The following OOSP4B variants were observed in gnomAD, a reference collection of about 807,000 sequenced individuals.
The protein encoded by OOSP4B is oocyte secreted protein family member 4B.
At chr11:60,019,048 C>G (rs1232662627) in intron 1 of OOSP4B, among the ~76,000 whole-genome samples, 1 of 151,966 alleles carries the variant, frequency 6.6e-6, no homozygotes, top group Non-Finnish European at 1.5e-5. Context: ...GAAACCCCGT[C>G]TCTACTAAAC....
chr11:60,017,801 A>C (rs1854642018), intron 1 of OOSP4B, among the ~76,000 whole-genome samples: 1 of 152,176 alleles, frequency 6.6e-6, no homozygotes, highest in Admixed American at 6.5e-5. Context: ...ACTACCTTAG[A>C]GATCTCTGGG....
intron 3 of OOSP4B, 88 bp from the exon 4 acceptor site, chr11:60,029,694 T>C (rs539385835): frequency 5.0e-6 from 2 of 396,792 alleles, no homozygotes; most frequent in South Asian, 2.7e-4. Context: ...TTATCACTTA[T>C]AACGAACCTA....
chr11:60,022,342 C>A (rs1590592449), intron 1 of OOSP4B: 1 of 152,074 alleles, frequency 6.6e-6, no homozygotes, highest in Non-Finnish European at 1.5e-5. Flanking sequence ...TTTTTTTCAT[C>A]CTCACCCTAA....
intron 4 of OOSP4B, among the ~76,000 whole-genome samples, 152 bp downstream of exon 4, chr11:60,030,081 T>C (rs1404281367): frequency 6.6e-6 from 1 of 152,222 alleles, no homozygotes; most frequent in Non-Finnish European, 1.5e-5. Flanking sequence ...TACCGTAGTC[T>C]GTACTTGGAT....
chr11:60,021,044 TA>T (rs1282106509), intron 1 of OOSP4B, among the ~76,000 whole-genome samples: 1 of 152,236 alleles, frequency 6.6e-6, no homozygotes, highest in African/African-American at 2.4e-5. Flanking sequence ...ATTAGTTATA[TA>T]AAAATTGAAT....
At chr11:60,022,755 T>TC (rs745568143) in intron 1 of OOSP4B, among the ~76,000 whole-genome samples, 15 of 152,064 alleles carry the variant, frequency 9.9e-5, no homozygotes, top group African/African-American at 2.2e-4. Context: ...TTTTTTTTTT[T>TC]CCCCTAGGGG....
chr11:60,025,305 C>A (rs1435629378), intron 3 of OOSP4B, among the ~76,000 whole-genome samples: 1 of 152,148 alleles, frequency 6.6e-6, no homozygotes, highest in African/African-American at 2.4e-5. Context: ...GCATGCGTAT[C>A]ATGAATCAAG....
intron 3 of OOSP4B, among the ~76,000 whole-genome samples, chr11:60,027,952 G>A (rs1471302145): frequency 3.3e-5 from 5 of 151,152 alleles, no homozygotes; most frequent in South Asian, 2.1e-4. Context: ...AAAAAAAGCC[G>A]TTAGTCTCCT....
At chr11:60,027,958 C>T (rs574480759) in intron 3 of OOSP4B, among the ~76,000 whole-genome samples, 2 of 151,242 alleles carry the variant, frequency 1.3e-5, no homozygotes, top group African/African-American at 2.4e-5. Flanking sequence ...AGCCGTTAGT[C>T]TCCTCCTTTT....
chr11:60,027,647 T>A (rs944394091), intron 3 of OOSP4B, among the ~76,000 whole-genome samples: 31 of 66,082 alleles, frequency 4.7e-4, no homozygotes, highest in South Asian at 7.2e-4. Context: ...AGGTAAAGGC[T>A]ATGATATTAA....
intron 1 of OOSP4B, among the ~76,000 whole-genome samples, chr11:60,019,236 A>C (rs551638478): frequency 6.6e-6 from 1 of 151,908 alleles, no homozygotes; most frequent in Non-Finnish European, 1.5e-5. Context: ...AAAAAAATAA[A>C]AAAAAATAAC....
chr11:60,020,170 A>G (rs1161342709), intron 1 of OOSP4B, among the ~76,000 whole-genome samples: 2 of 152,222 alleles, frequency 1.3e-5, no homozygotes, highest in African/African-American at 4.8e-5. Context: ...AGTCCCTACC[A>G]GACTCAGGAG....
intron 3 of OOSP4B, among the ~76,000 whole-genome samples, chr11:60,025,471 C>T (rs1311353545): frequency 6.6e-6 from 1 of 152,174 alleles, no homozygotes; most frequent in East Asian, 1.9e-4. Flanking sequence ...CCAGTTGGTT[C>T]CTGCAGCCAC....
In OOSP4B at chr11:60,019,937, CAA is replaced by C. The variant is rs532611556; in HGVS notation, c.22+2527_22+2528del. ...GCGTTTACAATCCCTGAGCTAGACA[CAA>C]AAGTTCTCCACATGCCCACTAGATT... On this transcript the variant is annotated intron_variant, in intron 1 of 4. Coordinates refer to ENST00000642343, the Ensembl canonical transcript of OOSP4B. 3.9e-5 allele frequency among the ~76,000 whole-genome samples: 6 copies of C among 152,116 alleles called. No individual in the cohort carries two copies. The South Asian group carries it at 1.2e-3, about 32-fold the overall frequency.
chr11:60,028,838 G>A (rs1196371673), intron 3 of OOSP4B, among the ~76,000 whole-genome samples: 2 of 152,068 alleles, frequency 1.3e-5, no homozygotes, highest in African/African-American at 2.4e-5. Context: ...TCCAAATGCC[G>A]GTCTTCCTCA....
Position 60,017,563 on chromosome 11 carries a change from C to T in OOSP4B, c.22+150C>T, listed in dbSNP as rs952767206. 25 of 394,998 alleles carry T rather than the reference C, an allele frequency of 6.3e-5. No individual in the cohort carries two copies. In the Middle Eastern group the frequency reaches 1.9e-3, roughly 30 times the overall value. The allele number at this position is 394,998 out of a possible 1,614,324, so 24.5% of individuals were successfully genotyped here. On this transcript the variant is annotated intron_variant, in intron 1 of 4. Transcript: ENST00000642343. Reference sequence around the variant, plus strand: ...TAAAAAGCTGAGATTTTTTTTTTTCCCCCTGATTATAAACCAACAGGTAGG... The same window carrying T: ...TAAAAAGCTGAGATTTTTTTTTTTCTCCCTGATTATAAACCAACAGGTAGG...
At chr11:60,024,121 A>C (rs1854721919) in intron 2 of OOSP4B, 60 bp downstream of exon 2, 1 of 398,198 alleles carries the variant, frequency 2.5e-6, no homozygotes, top group Non-Finnish European at 4.4e-6. Context: ...AGGGCTACAT[A>C]GTATCAAAAG....
chr11:60,023,644 G>T (rs1437780600), intron 1 of OOSP4B, among the ~76,000 whole-genome samples: 1 of 152,142 alleles, frequency 6.6e-6, no homozygotes, highest in Non-Finnish European at 1.5e-5. Context: ...ATGTTGGCCA[G>T]GCTGGTCTTG....
intron 3 of OOSP4B, among the ~76,000 whole-genome samples, chr11:60,029,058 A>G (rs932539167): frequency 6.6e-6 from 1 of 152,146 alleles, no homozygotes; most frequent in Non-Finnish European, 1.5e-5. Flanking sequence ...TTCGCAGTCC[A>G]TTTTTCTCCC....
Sources: gnomAD v4.1 joint callset for allele counts (sites outside exome capture counted in the v4.1 genomes callset) on GRCh38, gnomAD v4.1.1 for gene constraint, MANE v1.5 for transcripts, NCBI Gene and HGNC (gene_info 2026-07-23, HGNC 2026-07-21) for gene names.